Variants in CCND3 observed in about 807,000 individuals in gnomAD.
CCND3 encodes cyclin D3.
In CCND3, 9 loss-of-function variants were observed where a neutral mutation model predicts 28.7. That is an observed-to-expected ratio of 0.31 (90% CI 0.19 to 0.55). The LOEUF (loss-of-function observed/expected upper bound fraction) is 0.55. Ranked by LOEUF, CCND3 falls within the 20% of genes least tolerant of loss-of-function variation. The probability of loss-of-function intolerance (pLI) is 0.93; values close to 1 mark genes in which losing one functional copy is unlikely to be tolerated. For synonymous variants in CCND3, 164 were observed against 163.9 expected (o/e 1.00, Z 0.00); for missense variants, 315 against 385.8 (o/e 0.82, Z 1.54).
At position 41,972,864 on chromosome 6, in the gene CCND3, C is replaced by CAT. The variant is rs10560058; in HGVS notation, c.-45-32281_-45-32280dup. On this transcript the variant is annotated intron_variant, in intron 1 of 4. Transcript: ENST00000372988. ...AAACCCCATCTCTACAAAAAATTTA[C>CAT]ATATATATATATATATTTAAAAATT... is the stretch of plus-strand genomic sequence containing the variant. Among the ~76,000 whole-genome samples the CAT allele has an allele frequency of 9.2e-3, 1,359 of 147,322 alleles. 22 individuals carry two copies. The highest frequency in any genetic ancestry group is 0.031 in the African/African-American group (1,240 of 40,284).
intron 1 of CCND3, among the ~76,000 whole-genome samples, chr6:41,976,460 T>C (rs577679433): frequency 1.3e-5 from 2 of 151,982 alleles, no homozygotes; most frequent in African/African-American, 4.8e-5. Context: ...GTTGCAAGCC[T>C]GTGCAACACA....
chr6:42,027,011 A>G (rs932643625), intron 1 of CCND3, among the ~76,000 whole-genome samples: 3 of 152,132 alleles, frequency 2.0e-5, no homozygotes, highest in African/African-American at 7.2e-5. Flanking sequence ...CCTAGTTCCT[A>G]TCCCAGCCCA....
chr6:41,969,116 C>T (rs752295974), intron 1 of CCND3, among the ~76,000 whole-genome samples: 15 of 151,842 alleles, frequency 9.9e-5, no homozygotes, highest in Non-Finnish European at 1.8e-4. Flanking sequence ...TGTTTAAAGA[C>T]GGCTCCCCAG....
intron 1 of CCND3, among the ~76,000 whole-genome samples, chr6:41,958,992 G>A (rs949915324): frequency 1.3e-5 from 2 of 152,094 alleles, no homozygotes; most frequent in African/African-American, 4.8e-5. Flanking sequence ...AAATAAAAAC[G>A]TACATCCACA....
At chr6:42,041,877 A>G (rs183613180) in intron 1 of CCND3, among the ~76,000 whole-genome samples, 60 of 152,228 alleles carry the variant, frequency 3.9e-4, no homozygotes, top group Non-Finnish European at 5.9e-5. Context: ...CTGGAGCCCA[A>G]ATTGGAGCTC....
At chr6:41,975,511 A>T (rs1355506108) in intron 1 of CCND3, among the ~76,000 whole-genome samples, 1 of 152,172 alleles carries the variant, frequency 6.6e-6, no homozygotes, top group Non-Finnish European at 1.5e-5. Flanking sequence ...GGCCACATCT[A>T]AACAGATGGT....
intron 1 of CCND3, among the ~76,000 whole-genome samples, chr6:41,954,419 C>T (rs956042733): frequency 6.7e-6 from 1 of 150,262 alleles, no homozygotes; most frequent in Non-Finnish European, 1.5e-5. Flanking sequence ...GGTGTTGTGG[C>T]GTGCGCCTGT....
intron 1 of CCND3, among the ~76,000 whole-genome samples, chr6:42,026,288 C>G (rs556135252): frequency 9.2e-5 from 14 of 152,216 alleles, no homozygotes; most frequent in Non-Finnish European, 1.8e-4. Flanking sequence ...CCGCCGCCCC[C>G]CTGCCAAGGG....
chr6:42,026,441 C>A (rs1477021531), intron 1 of CCND3, among the ~76,000 whole-genome samples: 1 of 152,090 alleles, frequency 6.6e-6, no homozygotes, highest in African/African-American at 2.4e-5. Flanking sequence ...GGGAGGGAGT[C>A]CAGCGTGAGG....
intron 1 of CCND3, among the ~76,000 whole-genome samples, chr6:41,975,290 GA>G (rs1447381987): frequency 5.9e-5 from 9 of 152,194 alleles, no homozygotes; most frequent in Admixed American, 3.9e-4. Context: ...TCCAGCAAGG[GA>G]GAGGTGAAAC....
At chr6:42,026,311 C>T (rs1273696354) in intron 1 of CCND3, among the ~76,000 whole-genome samples, 1 of 151,618 alleles carries the variant, frequency 6.6e-6, no homozygotes, top group East Asian at 2.0e-4. Context: ...AAATATGGTG[C>T]TCCTCAATGA....
Position 42,017,023 on chromosome 6 carries a change from G to A in CCND3, c.-46+31478C>T, listed in dbSNP as rs565753689. 1.6e-4 allele frequency among the ~76,000 whole-genome samples: 24 copies of A among 152,356 alleles called. No individual in the cohort carries two copies. The East Asian group carries it at 2.5e-3, about 16-fold the overall frequency. ...ATGAGTGGAGTCACAGAGGAGTGACGTCTGAAGGGGCCTTGATACAGCAGC... is the reference window on the plus strand; with the variant it reads ...ATGAGTGGAGTCACAGAGGAGTGACATCTGAAGGGGCCTTGATACAGCAGC... On this transcript the variant is annotated intron_variant, in intron 1 of 4. Transcript: ENST00000372988.
intron 1 of CCND3, among the ~76,000 whole-genome samples, chr6:41,998,623 C>T (rs146744327): frequency 2.2e-3 from 316 of 146,476 alleles, no homozygotes; most frequent in Middle Eastern, 0.012. Context: ...CCACCGTGCC[C>T]AGCTGATACC....
At position 41,941,602 on chromosome 6, in the gene CCND3, C is replaced by T. The variant is rs2127395339; in HGVS notation, c.48G>A (p.Gly16=). 1 of 1,534,478 alleles carries T rather than the reference C, an allele frequency of 6.5e-7. No individual in the cohort carries two copies. Among genetic ancestry groups the T allele is most frequent in the Non-Finnish European group, 8.8e-7 (1 of 1,138,598 alleles). ...GGTCCCCCAGCAGCCGCGGGTCCGG[C>T]CCGGCCCGGGGCGCGTGCCGGGTGC... ...CEGTRHAPRA[G]PDPRLLGDQR... The change falls in exon 1 of 5, where the codon GGG becomes GGA. Residue 16 remains glycine (G), a synonymous_variant. Transcript: ENST00000372991. This position sits in a 1 kb window ranked among gnomAD's most constrained non-coding sequence, Gnocchi z 6.1.
At chr6:41,956,354 C>T (rs558894496) in intron 1 of CCND3, among the ~76,000 whole-genome samples, 7 of 152,112 alleles carry the variant, frequency 4.6e-5, no homozygotes, top group Non-Finnish European at 8.8e-5. Context: ...CCAAACATGC[C>T]AGTTCAGTGG....
At chr6:42,033,305 C>T (rs1764096902) in intron 1 of CCND3, among the ~76,000 whole-genome samples, 1 of 151,528 alleles carries the variant, frequency 6.6e-6, no homozygotes, top group East Asian at 2.0e-4. Flanking sequence ...ACAAAGTTAG[C>T]CGAGTGTGAT....
upstream of CCND3, among the ~76,000 whole-genome samples, chr6:41,943,162 G>GA (rs1776086048): frequency 6.6e-6 from 1 of 151,832 alleles, no homozygotes; most frequent in African/African-American, 2.4e-5. Context: ...GTTCCCGGCC[G>GA]AATTATTCTT....
intron 1 of CCND3, among the ~76,000 whole-genome samples, chr6:41,947,394 G>T (rs1384071898): frequency 2.6e-5 from 4 of 152,104 alleles, no homozygotes; most frequent in African/African-American, 7.2e-5. Context: ...CGATAGGCCA[G>T]TTAAACTCAA....
intron 1 of CCND3, among the ~76,000 whole-genome samples, chr6:41,987,629 A>G (rs991587820): frequency 6.7e-6 from 1 of 149,138 alleles, no homozygotes; most frequent in Non-Finnish European, 1.5e-5. Context: ...CAGTCTCCCA[A>G]GTAGCTGGGA....
Sources: allele counts gnomAD v4.1 joint callset (sites outside exome capture counted in the v4.1 genomes callset), GRCh38; gene constraint gnomAD v4.1.1; non-coding constraint Gnocchi (gnomAD v3.1); transcripts MANE v1.5; gene names NCBI Gene and HGNC (gene_info 2026-07-23, HGNC 2026-07-21).